Variants in KCNMA1 observed in about 807,000 individuals in gnomAD.
The protein encoded by KCNMA1 is potassium calcium-activated channel subfamily M alpha 1.
In KCNMA1, 29 loss-of-function variants were observed where a neutral mutation model predicts 140.0. The observed-to-expected ratio is 0.21, with a 90% CI of 0.15 to 0.28. The LOEUF is 0.28. Ranked by LOEUF, KCNMA1 falls within the 10% of genes least tolerant of loss-of-function variation. KCNMA1 has a pLI of 1.00. For synonymous variants in KCNMA1, 612 were observed against 611.9 expected (o/e 1.00, Z 0.00); for missense variants, 880 against 1,602.2 (o/e 0.55, Z 7.70).
At chr10:77,443,905 A>G (rs936047523) in intron 1 of KCNMA1, among the ~76,000 whole-genome samples, 12 of 152,232 alleles carry the variant, frequency 7.9e-5, no homozygotes, top group African/African-American at 2.9e-4. Flanking sequence ...TAGCTAGAAG[A>G]GAATAATTCA....
intron 2 of KCNMA1, among the ~76,000 whole-genome samples, chr10:77,299,276 G>A (rs1005495319): frequency 5.9e-5 from 9 of 152,158 alleles, no homozygotes; most frequent in Non-Finnish European, 7.3e-5. Context: ...CCAGTTAAAC[G>A]TTGCATGTAT....
intron 1 of KCNMA1, among the ~76,000 whole-genome samples, chr10:77,469,417 C>T (rs182760937): frequency 6.6e-4 from 101 of 152,294 alleles, no homozygotes; most frequent in African/African-American, 1.8e-3. Context: ...TAGAGGGCAG[C>T]GCCAGAACTG....
chr10:76,967,379 G>A (rs895046077), intron 20 of KCNMA1, among the ~76,000 whole-genome samples: 18 of 152,294 alleles, frequency 1.2e-4, no homozygotes, highest in African/African-American at 3.6e-4. Context: ...AGAGGCGGGG[G>A]CAACTGGAAA....
At chr10:77,023,748 C>T (rs1565604410) in intron 16 of KCNMA1, among the ~76,000 whole-genome samples, 1 of 152,204 alleles carries the variant, frequency 6.6e-6, no homozygotes, top group Non-Finnish European at 1.5e-5. Flanking sequence ...CTTTCTGGAA[C>T]TTTTCATTTT....
chr10:77,563,493 C>G (rs1407370322), intron 1 of KCNMA1, among the ~76,000 whole-genome samples: 1 of 152,140 alleles, frequency 6.6e-6, no homozygotes, highest in African/African-American at 2.4e-5. Flanking sequence ...GACAGGTCTC[C>G]TGACTGCCCT....
rs200134969 is a variant in KCNMA1, at chr10:76,886,214, C to T, written c.*1052G>A. 1.4e-4 allele frequency: 138 copies of T among 985,318 alleles called. No homozygotes were observed. The highest frequency in any genetic ancestry group is 1.6e-4 in the Non-Finnish European group (136 of 829,948). The allele number at this position is 985,318 out of a possible 1,614,324, so 61.0% of individuals were successfully genotyped here. A position where few individuals can be genotyped will look rare whatever the true frequency, so the allele number is the denominator to read the frequency against. Reference sequence around the variant, plus strand: ...CCATTGCCCCAGCCCTTCCTCCTACCTGGCATTGGGGCCCTAACTAATCAA... The same window carrying T: ...CCATTGCCCCAGCCCTTCCTCCTACTTGGCATTGGGGCCCTAACTAATCAA... On this transcript the variant is annotated 3_prime_UTR_variant, in exon 28 of 28. Coordinates refer to ENST00000286628, the MANE Select transcript of KCNMA1 (RefSeq NM_001161352.2).
At chr10:77,224,428 C>A (rs951254091) in intron 3 of KCNMA1, among the ~76,000 whole-genome samples, 1 of 152,202 alleles carries the variant, frequency 6.6e-6, no homozygotes, top group East Asian at 1.9e-4. Context: ...AAGGCAGGAC[C>A]CTGATGAACT....
chr10:77,239,165 A>T (rs1240650935), intron 3 of KCNMA1, among the ~76,000 whole-genome samples: 1 of 151,982 alleles, frequency 6.6e-6, no homozygotes, highest in Non-Finnish European at 1.5e-5. Context: ...TATTATTTCT[A>T]CTCATGCTAT....
At chr10:77,493,129 A>G (rs2040546848) in intron 1 of KCNMA1, among the ~76,000 whole-genome samples, 1 of 152,204 alleles carries the variant, frequency 6.6e-6, no homozygotes, top group South Asian at 2.1e-4. Flanking sequence ...TGAGCACTCT[A>G]AACAGATTCA....
intron 1 of KCNMA1, among the ~76,000 whole-genome samples, chr10:77,435,593 T>C (rs1200279590): frequency 6.6e-6 from 1 of 152,208 alleles, no homozygotes; most frequent in East Asian, 1.9e-4. Flanking sequence ...CACTAGAAGG[T>C]ATCTGCTACA....
chr10:76,871,905 T>A (rs2031416084), exon 28 of KCNMA1: 2 of 152,236 alleles, frequency 1.3e-5, no homozygotes, highest in Non-Finnish European at 2.9e-5. Context: ...TTTAGTTGTA[T>A]TATAAGCTGA....
chr10:77,130,959 G>A (rs983938309), intron 5 of KCNMA1, among the ~76,000 whole-genome samples: 10 of 151,982 alleles, frequency 6.6e-5, no homozygotes, highest in African/African-American at 2.4e-4. Context: ...TGAGGTTGAT[G>A]GGGGGGTGGT....
At chr10:77,134,925 G>A (rs1349885627) in intron 5 of KCNMA1, among the ~76,000 whole-genome samples, 5 of 137,056 alleles carry the variant, frequency 3.6e-5, no homozygotes, top group African/African-American at 1.1e-4. Flanking sequence ...GTGAACCCGG[G>A]AGGTGGAGAT....
At chr10:76,926,734 G>C (rs2057806927) in intron 23 of KCNMA1, among the ~76,000 whole-genome samples, 1 of 152,052 alleles carries the variant, frequency 6.6e-6, no homozygotes, top group African/African-American at 2.4e-5. Flanking sequence ...TCATTCATGG[G>C]GTTGTTCTTT....
At chr10:77,541,200 C>G (rs143159142) in intron 1 of KCNMA1, among the ~76,000 whole-genome samples, 1 of 151,816 alleles carries the variant, frequency 6.6e-6, no homozygotes, top group African/African-American at 2.4e-5. Context: ...TAAGTATAAA[C>G]GAATTAAACG....
chr10:76,902,779 C>G (rs1290916078), intron 25 of KCNMA1: 9 of 151,642 alleles, frequency 5.9e-5, no homozygotes, highest in African/African-American at 2.2e-4. Flanking sequence ...CCTTGAATTC[C>G]TCATCCATAT....
intron 15 of KCNMA1, among the ~76,000 whole-genome samples, chr10:77,034,341 C>T (rs1258665137): frequency 6.6e-6 from 1 of 151,298 alleles, no homozygotes; most frequent in Non-Finnish European, 1.5e-5. Flanking sequence ...TATCATATAA[C>T]AATTGGGTCT....
At chr10:77,117,893 C>A (rs551470702) in intron 6 of KCNMA1, among the ~76,000 whole-genome samples, 10 of 152,260 alleles carry the variant, frequency 6.6e-5, no homozygotes, top group African/African-American at 2.4e-4. Context: ...TGGGAAAGGG[C>A]CCTGATGCTG....
intron 9 of KCNMA1, among the ~76,000 whole-genome samples, chr10:77,101,807 G>C (rs1196904088): frequency 6.6e-6 from 1 of 152,208 alleles, no homozygotes; most frequent in Non-Finnish European, 1.5e-5. Flanking sequence ...GAGAATAGCT[G>C]TTGCCCAAGA....
Sources: gnomAD v4.1 joint callset for allele counts (sites outside exome capture counted in the v4.1 genomes callset) on GRCh38, gnomAD v4.1.1 for gene constraint, MANE v1.5 for transcripts, NCBI Gene and HGNC (gene_info 2026-07-23, HGNC 2026-07-21) for gene names.